The following GALNT17 variants were observed in gnomAD, a reference collection of about 807,000 sequenced individuals.
The protein encoded by GALNT17 is polypeptide N-acetylgalactosaminyltransferase 17, also known as UDP-GalNAc:polypeptide N-acetylgalactosaminyltransferase-like 3.
GALNT17 carries 29 observed loss-of-function variants against 63.7 expected under a neutral mutation model. The observed-to-expected ratio is 0.46, with a 90% CI of 0.34 to 0.62. The LOEUF is 0.62. GALNT17 is among the 20% of genes least tolerant of loss of function. The pLI is 0.01. For synonymous variants in GALNT17, 305 were observed against 318.3 expected (o/e 0.96, Z 0.45); for missense variants, 603 against 799.6 (o/e 0.75, Z 2.97).
At chr7:71,373,182 G>GC (rs1346535996) in intron 2 of GALNT17, among the ~76,000 whole-genome samples, 1 of 152,194 alleles carries the variant, frequency 6.6e-6, no homozygotes, top group African/African-American at 2.4e-5. Context: ...AGGAATGCCA[G>GC]CGTCTCACTT....
chr7:71,403,127 G>A (rs1305198018), intron 3 of GALNT17, among the ~76,000 whole-genome samples: 2 of 152,268 alleles, frequency 1.3e-5, no homozygotes, highest in South Asian at 2.1e-4. Context: ...ACAAGCAATA[G>A]TGTGTGAAAA....
chr7:71,573,093 C>T (rs113125065), intron 6 of GALNT17, among the ~76,000 whole-genome samples: 2,916 of 151,846 alleles, frequency 0.019, 100 homozygotes, highest in African/African-American at 0.067. Context: ...ACCGCAACCT[C>T]CATCTCCCAG....
chr7:71,271,449 C>T (rs1217487641), intron 1 of GALNT17, among the ~76,000 whole-genome samples: 1 of 152,192 alleles, frequency 6.6e-6, no homozygotes, highest in Non-Finnish European at 1.5e-5. Flanking sequence ...CCGGTTTGTT[C>T]TGAGATAACC....
At chr7:71,689,908 G>C (rs1791415569) in intron 9 of GALNT17, among the ~76,000 whole-genome samples, 1 of 152,158 alleles carries the variant, frequency 6.6e-6, no homozygotes, top group African/African-American at 2.4e-5. Flanking sequence ...CCATTTTGAA[G>C]ATCCTAGGGC....
intron 1 of GALNT17, among the ~76,000 whole-genome samples, chr7:71,150,080 G>A (rs1251325913): frequency 6.6e-6 from 1 of 152,224 alleles, no homozygotes; most frequent in African/African-American, 2.4e-5. Context: ...CTCTTGCGTC[G>A]AGAAGGTAAC....
chr7:71,545,973 A>T (rs1048695844), intron 5 of GALNT17, among the ~76,000 whole-genome samples: 5 of 152,064 alleles, frequency 3.3e-5, no homozygotes, highest in African/African-American at 1.2e-4. Context: ...TGTAAATTGA[A>T]ATCTGGCCAG....
chr7:71,596,944 G>A (rs1011886242), intron 6 of GALNT17, among the ~76,000 whole-genome samples: 35 of 152,024 alleles, frequency 2.3e-4, no homozygotes, highest in Non-Finnish European at 2.4e-4. Flanking sequence ...TTCCAGTGCT[G>A]TGGGAGGCCC....
intron 5 of GALNT17, among the ~76,000 whole-genome samples, chr7:71,472,456 A>G (rs1787648100): frequency 6.6e-6 from 1 of 152,204 alleles, no homozygotes; most frequent in South Asian, 2.1e-4. Flanking sequence ...TGGGAGACCA[A>G]GGCAGGCTGA....
intron 5 of GALNT17, among the ~76,000 whole-genome samples, chr7:71,570,015 C>A (rs556240494): frequency 7.3e-5 from 11 of 150,630 alleles, no homozygotes; most frequent in Non-Finnish European, 1.2e-4. Flanking sequence ...TAAGTGTTTT[C>A]TTTTCTCCAC....
rs1190815108 is a variant in GALNT17 at position 71,335,791 on chromosome 7, C to A, written c.422+58C>A. On this transcript the variant is annotated intron_variant, in intron 2 of 10. Transcript: ENST00000333538. ...ATGGGTCGTCAGAGTGGGTGTAGAC[C>A]CCTACGTTTGTGATATTTTCCACTG... 6 of 1,347,690 alleles carry A rather than the reference C, an allele frequency of 4.5e-6. No homozygotes were observed. The African/African-American group carries it at 6.0e-5, about 13-fold the overall frequency. 83.5% of individuals were successfully genotyped at this position (1,347,690 alleles called of 1,614,324 possible).
rs531014470 is a variant in GALNT17 at position 71,357,655 on chromosome 7, C to T, written c.422+21922C>T. On this transcript the variant is annotated intron_variant, in intron 2 of 10. Coordinates refer to ENST00000333538, the MANE Select transcript of GALNT17 (RefSeq NM_022479.3). ...TGGCTAGGTGCTTACGCCTGTAATT[C>T]TAGCACTTTGGGAGGTCAAGGTGGG... Among the ~76,000 whole-genome samples, 18 of 152,266 alleles carry T rather than the reference C, an allele frequency of 1.2e-4. No individual in the cohort carries two copies. The South Asian group carries it at 3.7e-3, about 32-fold the overall frequency.
At chr7:71,682,478 C>A (rs997592744) in intron 9 of GALNT17, among the ~76,000 whole-genome samples, 1 of 152,166 alleles carries the variant, frequency 6.6e-6, no homozygotes, top group African/African-American at 2.4e-5. Context: ...CCAGTGGGAA[C>A]CTGATAGACC....
At chr7:71,240,583 C>T (rs1562940317) in intron 1 of GALNT17, among the ~76,000 whole-genome samples, 1 of 152,186 alleles carries the variant, frequency 6.6e-6, no homozygotes, top group Admixed American at 6.5e-5. Flanking sequence ...CAGCTGCATC[C>T]AGGTTGCCGC....
intron 5 of GALNT17, among the ~76,000 whole-genome samples, chr7:71,530,848 G>A (rs1005762876): frequency 3.2e-4 from 49 of 152,178 alleles, no homozygotes; most frequent in African/African-American, 9.9e-4. Context: ...GATTACAGGC[G>A]TGAGCCACCA....
intron 5 of GALNT17, among the ~76,000 whole-genome samples, chr7:71,469,064 G>T (rs2116607657): frequency 6.6e-6 from 1 of 152,164 alleles, no homozygotes; most frequent in East Asian, 1.9e-4. Context: ...GGGAGAAGGT[G>T]GTTGGAGTGG....
chr7:71,165,563 A>C lies in GALNT17; in HGVS notation c.238+32523A>C, dbSNP rs1369630373. Among the ~76,000 whole-genome samples, 3 of 152,170 alleles carry C rather than the reference A, an allele frequency of 2.0e-5. No individual in the cohort carries two copies. In the East Asian group the frequency reaches 5.8e-4, roughly 29 times the overall value. ...CTCACTGTCACGACAATAGCACCGG[A>C]AAGATCTGCCCCCATGATTCAGTTA... On this transcript the variant is annotated intron_variant, in intron 1 of 10. Coordinates refer to ENST00000333538, the MANE Select transcript of GALNT17 (RefSeq NM_022479.3).
chr7:71,141,679 C>CTTTTT (rs772422312), intron 1 of GALNT17, among the ~76,000 whole-genome samples: 3 of 139,422 alleles, frequency 2.2e-5, no homozygotes, highest in African/African-American at 2.6e-5. Flanking sequence ...TTCTTTCTTT[C>CTTTTT]TTTTTTTTTT....
intron 6 of GALNT17, among the ~76,000 whole-genome samples, chr7:71,598,232 G>A (rs1159392000): frequency 2.0e-5 from 3 of 152,086 alleles, no homozygotes; most frequent in Non-Finnish European, 4.4e-5. Context: ...ATGAGCCACC[G>A]TGCCCGGCCG....
chr7:71,482,238 C>T (rs2116646304), intron 5 of GALNT17, among the ~76,000 whole-genome samples: 1 of 151,910 alleles, frequency 6.6e-6, no homozygotes, highest in Non-Finnish European at 1.5e-5. Flanking sequence ...CAACCTCTGC[C>T]TCCCGGGTTC....
Sources: gnomAD v4.1 joint callset for allele counts (sites outside exome capture counted in the v4.1 genomes callset) on GRCh38, gnomAD v4.1.1 for gene constraint, MANE v1.5 for transcripts, NCBI Gene and HGNC (gene_info 2026-07-23, HGNC 2026-07-21) for gene names.